The following OTUD7A variants were observed in gnomAD, a reference collection of about 807,000 sequenced individuals.
OTUD7A encodes the protein OTU domain-containing protein 7A.
In OTUD7A, 12 loss-of-function variants were observed where a neutral mutation model predicts 65.7. That is an observed-to-expected ratio of 0.18 (90% confidence interval 0.12 to 0.30). OTUD7A has a LOEUF of 0.30. Ranked by LOEUF, OTUD7A falls within the 10% of genes least tolerant of loss-of-function variation. The pLI is 1.00. For missense variants in OTUD7A, 1,148 were observed against 1,304.8 expected (o/e 0.88, Z 1.85); for synonymous variants, 641 against 586.3 (o/e 1.09, Z -1.35).
chr15:31,786,874 C>T lies in OTUD7A; in HGVS notation c.-100+83633G>A, dbSNP rs566557662. Among the ~76,000 whole-genome samples, 3 of 152,314 alleles carry T rather than the reference C, an allele frequency of 2.0e-5. No homozygotes were observed. The South Asian group carries it at 6.2e-4, about 32-fold the overall frequency. On this transcript the variant is annotated intron_variant, in intron 1 of 12. Coordinates refer to ENST00000307050, the MANE Select transcript of OTUD7A (RefSeq NM_001382637.1). The stretch of plus-strand genomic sequence containing the variant: ...CAGACAGACTGTAACCGCCCCCCTT[C>T]ATTCCATCTCATTATGAAATGTGTG...
intron 3 of OTUD7A, among the ~76,000 whole-genome samples, chr15:31,621,462 G>A (rs9652464): frequency 0.02 from 3,046 of 152,242 alleles, 126 homozygotes; most frequent in African/African-American, 0.069. Context: ...TGTATTGGGT[G>A]CATATATATT....
At chr15:31,749,252 G>A (rs1046995716) in intron 1 of OTUD7A, among the ~76,000 whole-genome samples, 3 of 152,120 alleles carry the variant, frequency 2.0e-5, no homozygotes, top group African/African-American at 4.8e-5. Flanking sequence ...TAACCTGCAC[G>A]TTGTGCACAT....
chr15:31,774,591 AAC>A (rs1225769182), intron 1 of OTUD7A, among the ~76,000 whole-genome samples: 2 of 152,148 alleles, frequency 1.3e-5, no homozygotes, highest in Non-Finnish European at 2.9e-5. Flanking sequence ...CAGGCACATA[AAC>A]ACAGTCAGGT....
At chr15:31,803,533 A>T (rs887237545) in intron 1 of OTUD7A, among the ~76,000 whole-genome samples, 4 of 152,178 alleles carry the variant, frequency 2.6e-5, no homozygotes, top group African/African-American at 9.6e-5. Flanking sequence ...TGCTGAGAAC[A>T]CTGGGGGAAG....
At chr15:31,545,845 T>C (rs1888114296) in intron 5 of OTUD7A, among the ~76,000 whole-genome samples, 2 of 152,318 alleles carry the variant, frequency 1.3e-5, no homozygotes, top group African/African-American at 4.8e-5. Context: ...ATGTAAATCC[T>C]ATGATCCAGC....
In OTUD7A at chr15:31,480,124, C is replaced by T. The variant is rs922284680; in HGVS notation, c.*3170G>A. ...CCAAGGGACAACCCTGTGGCAATAACGGGTGCAAAATATTGCTCTGTGGCA... is the reference window on the plus strand; with the variant it reads ...CCAAGGGACAACCCTGTGGCAATAATGGGTGCAAAATATTGCTCTGTGGCA... On this transcript the variant is annotated 3_prime_UTR_variant, in exon 13 of 13. Transcript: ENST00000307050. 3 of 152,244 alleles carry T rather than the reference C, an allele frequency of 2.0e-5. No individual in the cohort carries two copies. In the East Asian group the frequency reaches 5.8e-4, roughly 29 times the overall value. The allele number at this position is 152,244 out of a possible 1,614,324, so 9.4% of individuals were successfully genotyped here.
Position 31,484,328 on chromosome 15 carries a change from G to T in OTUD7A, c.1768C>A (p.Pro590Thr), listed in dbSNP as rs2141060987. 1 of 1,599,382 alleles carries T rather than the reference G, an allele frequency of 6.3e-7. No homozygotes were observed. Among genetic ancestry groups the T allele is most frequent in the Middle Eastern group, 1.7e-4 (1 of 6,060 alleles). Residue 590 changes from proline (P) to threonine (T), a missense_variant, in exon 13 of 13, where the codon CCG becomes ACG. By Grantham distance (38) the Pro-to-Thr change is conservative (BLOSUM62 -1). Coordinates refer to ENST00000307050, the MANE Select transcript of OTUD7A (RefSeq NM_001382637.1). The surrounding 1 kb of genome is among the most constrained non-coding windows in gnomAD (Gnocchi z 4.5). ...GGCGACGGCGTGGTCTTTTCCGACG[G>T]CGACGTGCTGGCCGACGCACCAGAC... ...EESGASASTS[P>T]SEKTTPSPTD...
rs1176523183 is a variant in OTUD7A at position 31,476,431 on chromosome 15, C to T, written c.*6863G>A. ...GAATGTGTGCAAAGAGCTGGACAGC[C>T]CATAGGGCCTGGGAGACCTTCACGG... is the stretch of plus-strand genomic sequence containing the variant. On this transcript the variant is annotated 3_prime_UTR_variant, in exon 13 of 13. Coordinates refer to ENST00000307050, the MANE Select transcript of OTUD7A (RefSeq NM_001382637.1). The T allele has an allele frequency of 6.6e-6, 1 of 152,274 alleles. No homozygotes were observed. Among genetic ancestry groups the T allele is most frequent in the Non-Finnish European group, 1.5e-5 (1 of 68,112 alleles). 9.4% of individuals were successfully genotyped at this position (152,274 alleles called of 1,614,324 possible).
intron 10 of OTUD7A, among the ~76,000 whole-genome samples, chr15:31,489,867 G>A (rs2041292733): frequency 6.6e-6 from 1 of 152,216 alleles, no homozygotes; most frequent in African/African-American, 2.4e-5. Flanking sequence ...GTGCACGGTG[G>A]GAATACCCCT....
chr15:31,864,553 G>C (rs28670458), intron 1 of OTUD7A, among the ~76,000 whole-genome samples: 1 of 152,050 alleles, frequency 6.6e-6, no homozygotes, highest in South Asian at 2.1e-4. Context: ...TCACTATCAC[G>C]AGTATAGCAT....
At chr15:31,686,005 C>G (rs919822468) in intron 1 of OTUD7A, among the ~76,000 whole-genome samples, 6 of 152,218 alleles carry the variant, frequency 3.9e-5, no homozygotes, top group Non-Finnish European at 7.3e-5. Context: ...TATGCCATCT[C>G]ACGGGGGACT....
At chr15:31,833,126 A>G (rs528250874) in intron 1 of OTUD7A, among the ~76,000 whole-genome samples, 233 of 152,154 alleles carry the variant, frequency 1.5e-3, no homozygotes, top group Non-Finnish European at 2.9e-3. Flanking sequence ...GATGTTCTTG[A>G]TCCTTTTTAA....
At chr15:31,593,077 T>C (rs1195509772) in intron 3 of OTUD7A, among the ~76,000 whole-genome samples, 1 of 151,212 alleles carries the variant, frequency 6.6e-6, no homozygotes, top group Admixed American at 6.6e-5. Context: ...GTACTGTACA[T>C]AGTTGTATGT....
At chr15:31,718,410 C>T (rs1339660728) in intron 1 of OTUD7A, among the ~76,000 whole-genome samples, 1 of 152,008 alleles carries the variant, frequency 6.6e-6, no homozygotes, top group Admixed American at 6.6e-5. Context: ...AGCACTTTCC[C>T]TTCTCCCCCA....
At chr15:31,728,985 C>T (rs1893968449) in intron 1 of OTUD7A, among the ~76,000 whole-genome samples, 1 of 152,168 alleles carries the variant, frequency 6.6e-6, no homozygotes, top group Non-Finnish European at 1.5e-5. Flanking sequence ...CATGGTCAAC[C>T]AGGGTCTGAA....
chr15:31,516,460 A>C (rs1877423757), intron 8 of OTUD7A, among the ~76,000 whole-genome samples: 1 of 152,078 alleles, frequency 6.6e-6, no homozygotes, highest in Admixed American at 6.5e-5. Flanking sequence ...GATGTTCCCT[A>C]CTTGCTTCTG....
At chr15:31,634,878 G>C (rs1169710805) in intron 3 of OTUD7A, among the ~76,000 whole-genome samples, 2 of 152,232 alleles carry the variant, frequency 1.3e-5, no homozygotes, top group East Asian at 3.8e-4. Flanking sequence ...AAGCAGGACA[G>C]AAGGACAGCA....
At chr15:31,560,825 G>C (rs562915417) in intron 4 of OTUD7A, among the ~76,000 whole-genome samples, 1 of 152,312 alleles carries the variant, frequency 6.6e-6, no homozygotes, top group African/African-American at 2.4e-5. Context: ...ATGCCCCTCT[G>C]AGGTCCACAC....
intron 5 of OTUD7A, among the ~76,000 whole-genome samples, chr15:31,531,520 C>CAAAAA (rs60332452): frequency 1.2e-3 from 99 of 79,528 alleles, no homozygotes; most frequent in East Asian, 5.4e-3. Flanking sequence ...GAGTAGGCCA[C>CAAAAA]AAAAAAAAAA....
Sources: gnomAD v4.1 joint callset for allele counts (sites outside exome capture counted in the v4.1 genomes callset) on GRCh38, gnomAD v4.1.1 for gene constraint, Gnocchi (gnomAD v3.1) non-coding constraint, MANE v1.5 for transcripts, NCBI Gene and HGNC (gene_info 2026-07-23, HGNC 2026-07-21) for gene names.